Variants in CSMD1 observed in about 807,000 individuals in gnomAD.
CSMD1 encodes CUB and sushi domain-containing protein 1.
CSMD1 carries 213 observed loss-of-function variants against 417.5 expected under a neutral mutation model. The observed-to-expected ratio is 0.51, with a 90% confidence interval of 0.46 to 0.57. The LOEUF is 0.57. CSMD1 is among the 20% of genes least tolerant of loss of function. The probability of loss-of-function intolerance (pLI) is 0.00; values close to 1 mark genes in which losing one functional copy is unlikely to be tolerated. For missense variants in CSMD1, 6,923 were observed against 4,529.7 expected (o/e 1.53, Z -15.17); for synonymous variants, 2,862 against 1,736.8 (o/e 1.65, Z -16.11).
intron 1 of CSMD1, among the ~76,000 whole-genome samples, chr8:4,896,151 C>G (rs556798506): frequency 6.6e-6 from 1 of 152,126 alleles, no homozygotes; most frequent in East Asian, 1.9e-4. Context: ...TTTTTTTAAA[C>G]ATTTGAAAGA....
chr8:3,597,449 G>T (rs573847455), intron 8 of CSMD1, among the ~76,000 whole-genome samples: 1 of 141,818 alleles, frequency 7.1e-6, no homozygotes, highest in Non-Finnish European at 1.5e-5. Flanking sequence ...CCAAGACCTA[G>T]AGAAGTTATT....
At chr8:4,055,821 T>C (rs1208214103) in intron 3 of CSMD1, among the ~76,000 whole-genome samples, 2 of 151,082 alleles carry the variant, frequency 1.3e-5, no homozygotes, top group Non-Finnish European at 2.9e-5. Flanking sequence ...AGCAGAAGTG[T>C]TGATTTTACA....
chr8:3,480,097 A>C (rs1817650644), intron 11 of CSMD1, among the ~76,000 whole-genome samples: 1 of 152,122 alleles, frequency 6.6e-6, no homozygotes, highest in Non-Finnish European at 1.5e-5. Context: ...GGTGACTCAC[A>C]TCTGTAATCT....
chr8:4,356,798 A>C (rs1171369610), intron 3 of CSMD1, among the ~76,000 whole-genome samples: 1 of 152,212 alleles, frequency 6.6e-6, no homozygotes, highest in African/African-American at 2.4e-5. Flanking sequence ...TTGCAGGCCC[A>C]GCCCCTGACC....
At chr8:3,021,082 T>C (rs1809332585) in intron 51 of CSMD1, among the ~76,000 whole-genome samples, 1 of 152,150 alleles carries the variant, frequency 6.6e-6, no homozygotes, top group Non-Finnish European at 1.5e-5. Flanking sequence ...TGCCAGAAAA[T>C]AACAATGAGG....
intron 10 of CSMD1, among the ~76,000 whole-genome samples, chr8:3,526,010 G>A (rs1797738503): frequency 6.6e-6 from 1 of 152,088 alleles, no homozygotes; most frequent in Non-Finnish European, 1.5e-5. Context: ...AACATGGGAT[G>A]GAGCTTAAAT....
intron 27 of CSMD1, 117 bp downstream of exon 27, chr8:3,229,923 A>C (rs1288097176): frequency 1.4e-6 from 1 of 724,024 alleles, no homozygotes; most frequent in African/African-American, 1.8e-5. Flanking sequence ...GAGCCAGAGA[A>C]CATGAAAGAA....
At chr8:2,958,751 G>A (rs1205961480) in intron 62 of CSMD1, among the ~76,000 whole-genome samples, 1 of 152,232 alleles carries the variant, frequency 6.6e-6, no homozygotes, top group Non-Finnish European at 1.5e-5. Flanking sequence ...GCACATAAGT[G>A]CACCAAGTTA....
chr8:3,139,047 A>C (rs1818281553), intron 41 of CSMD1, among the ~76,000 whole-genome samples: 1 of 152,196 alleles, frequency 6.6e-6, no homozygotes, highest in Admixed American at 6.5e-5. Flanking sequence ...GGAACACTGC[A>C]CCTCACACTT....
At chr8:4,697,948 G>C (rs1359290955) in intron 1 of CSMD1, among the ~76,000 whole-genome samples, 1 of 152,110 alleles carries the variant, frequency 6.6e-6, no homozygotes, top group Non-Finnish European at 1.5e-5. Context: ...GTCCTGTCAA[G>C]ACAAATAGTG....
chr8:3,938,935 T>A (rs868540163), intron 5 of CSMD1, among the ~76,000 whole-genome samples: 1 of 152,152 alleles, frequency 6.6e-6, no homozygotes, highest in East Asian at 1.9e-4. Flanking sequence ...CACAGTAACA[T>A]TTTATTAGTT....
chr8:3,887,131 T>A (rs1011148085), intron 5 of CSMD1, among the ~76,000 whole-genome samples: 2 of 152,066 alleles, frequency 1.3e-5, no homozygotes, highest in Non-Finnish European at 2.9e-5. Flanking sequence ...AAAACTCTAT[T>A]GTGTGGGTGA....
chr8:3,814,465 C>T (rs1052589160), intron 5 of CSMD1, among the ~76,000 whole-genome samples: 1 of 152,164 alleles, frequency 6.6e-6, no homozygotes, highest in Non-Finnish European at 1.5e-5. Context: ...TAATGATTTG[C>T]ACACTCCATA....
intron 10 of CSMD1, among the ~76,000 whole-genome samples, chr8:3,502,567 G>C (rs1282550400): frequency 2.0e-5 from 3 of 152,036 alleles, no homozygotes; most frequent in African/African-American, 4.8e-5. Context: ...AGAAAACATG[G>C]GGGAAAACTA....
intron 3 of CSMD1, among the ~76,000 whole-genome samples, chr8:4,398,212 C>G (rs75207715): frequency 6.6e-6 from 1 of 152,064 alleles, no homozygotes; most frequent in Admixed American, 6.6e-5. Context: ...GAAGGATGAT[C>G]TGTAGTATGT....
At chr8:2,968,042 G>GT (rs1804125336) in intron 57 of CSMD1, among the ~76,000 whole-genome samples, 1 of 152,170 alleles carries the variant, frequency 6.6e-6, no homozygotes, top group Admixed American at 6.5e-5. Context: ...CCTATTAGTA[G>GT]TTTCCTGGTT....
chr8:3,693,978 G>C (rs958982140), intron 7 of CSMD1, among the ~76,000 whole-genome samples: 1 of 150,984 alleles, frequency 6.6e-6, no homozygotes, highest in African/African-American at 2.4e-5. Flanking sequence ...TGTTGGGTAT[G>C]TGTGTTGTTA....
intron 5 of CSMD1, among the ~76,000 whole-genome samples, chr8:3,814,972 A>G (rs973742246): frequency 1.3e-5 from 2 of 152,304 alleles, no homozygotes; most frequent in Non-Finnish European, 2.9e-5. Flanking sequence ...TTGAAAGACA[A>G]TCATCTGCAT....
At chr8:4,180,798 G>C (rs1280186545) in intron 3 of CSMD1, among the ~76,000 whole-genome samples, 1 of 151,816 alleles carries the variant, frequency 6.6e-6, no homozygotes, top group Non-Finnish European at 1.5e-5. Context: ...TATGTCTTTG[G>C]TACAAGAGTT....
Sources: gnomAD v4.1 joint callset for allele counts (sites outside exome capture counted in the v4.1 genomes callset) on GRCh38, gnomAD v4.1.1 for gene constraint, MANE v1.5 for transcripts, NCBI Gene and HGNC (gene_info 2026-07-23, HGNC 2026-07-21) for gene names.